The following MEX3D variants were observed in gnomAD, a reference collection of about 807,000 sequenced individuals.
MEX3D encodes mex-3 RNA binding family member D.
Under a neutral mutation model 6.3 loss-of-function variants are expected in MEX3D, and 4 were observed. That is an observed-to-expected ratio of 0.64 (90% CI 0.31 to 1.46). The LOEUF is 1.46. Ranked by LOEUF, MEX3D falls within the 40% of genes most tolerant of loss-of-function variation. The pLI is 0.07. For missense variants in MEX3D, 1,038 were observed against 994.4 expected (o/e 1.04, Z -0.59); for synonymous variants, 626 against 494.1 (o/e 1.27, Z -3.54).
chr19:1,567,673 G>C lies in MEX3D; in HGVS notation c.386C>G (p.Pro129Arg), dbSNP rs1599330437. ...CGGCGGCGGCGGGGGACTCGCGTTG[G>C]GGTCCAGCAGCGGCAGCGACCCGGG... ...VAPGSLPLLD[P>R]NASPPPPPPP... The change falls in exon 1 of 2, where the codon CCC (proline) becomes CGC (arginine). Residue 129 changes from proline to arginine, a missense_variant. Pro to Arg is a moderately radical substitution (Grantham distance 103, BLOSUM62 -2). Coordinates refer to ENST00000402693, the MANE Select transcript of MEX3D (RefSeq NM_203304.4). This position sits in a 1 kb window ranked among gnomAD's most constrained non-coding sequence, Gnocchi z 6.5. The C allele has an allele frequency of 8.6e-7, 1 of 1,169,422 alleles. No individual in the cohort carries two copies. The highest frequency in any genetic ancestry group is 1.1e-6 in the Non-Finnish European group (1 of 941,714). 72.4% of individuals were successfully genotyped at this position (1,169,422 alleles called of 1,614,324 possible). A position where few individuals can be genotyped will look rare whatever the true frequency, so the allele number is the denominator to read the frequency against.
Position 1,567,969 on chromosome 19 carries a change from G to C in MEX3D, c.90C>G (p.Pro30=), listed in dbSNP as rs1165378473. 4.1e-6 allele frequency: 4 copies of C among 978,142 alleles called. No individual in the cohort carries two copies. The highest frequency in any genetic ancestry group is 1.2e-4 in the East Asian group (1 of 8,526). 60.6% of individuals were successfully genotyped at this position (978,142 alleles called of 1,614,324 possible). Residue 30 remains proline (P), a synonymous_variant, in exon 1 of 2, where the codon CCC becomes CCG. Coordinates refer to ENST00000402693, the MANE Select transcript of MEX3D (RefSeq NM_203304.4). The surrounding 1 kb of genome is among the most constrained non-coding windows in gnomAD (Gnocchi z 6.5). ...GVGAAGEDPG[P]GPAPPPEGAQ... ...CGCCCTCGGGCGGGGGCGCAGGTCC[G>C]GGTCCGGGGTCCTCCCCCGCCGCCC...
rs1454496846 is a variant in MEX3D at position 1,567,761 on chromosome 19, C to G, written c.298G>C (p.Glu100Gln). 1.0e-6 allele frequency: 1 copy of G among 962,870 alleles called. No homozygotes were observed. The highest frequency in any genetic ancestry group is 1.8e-5 in the African/African-American group (1 of 56,312). 59.6% of individuals were successfully genotyped at this position (962,870 alleles called of 1,614,324 possible). Reference protein sequence around the residue: ...AGGADGGAAPEPVPPDGPEAG... With the variant: ...AGGADGGAAPQPVPPDGPEAG... ...TCAGGTCCGTCGGGGGGCACAGGCT[C>G]CGGAGCCGCCCCGCCGTCCGCGCCC... is the stretch of plus-strand genomic sequence containing the variant. Residue 100 changes from glutamate to glutamine, a missense_variant, in exon 1 of 2, where the codon GAG becomes CAG. Glu to Gln is a conservative substitution (Grantham distance 29, BLOSUM62 2). Transcript: ENST00000402693. This position sits in a 1 kb window ranked among gnomAD's most constrained non-coding sequence, Gnocchi z 6.5.
rs764595095 is a variant in MEX3D at position 1,555,553 on chromosome 19, G to A, written c.*10C>T. The A allele has an allele frequency of 6.4e-7, 1 of 1,562,018 alleles. No homozygotes were observed. ...CCGCAGATGGCCCCGGCCACGTGGT[G>A]GTCCGCGCTCTAGGAAAAGATATGA... On this transcript the variant is annotated 3_prime_UTR_variant, in exon 2 of 2. Transcript: ENST00000402693.
In MEX3D at chr19:1,555,392, G is replaced by T; in HGVS notation, c.*171C>A. ...CTGCGGGGTCTCCGTCTCCACGCCTGAGGCGGCAGTTAAAGCTCATCTGTA... is the reference window on the plus strand; with the variant it reads ...CTGCGGGGTCTCCGTCTCCACGCCTTAGGCGGCAGTTAAAGCTCATCTGTA... On this transcript the variant is annotated 3_prime_UTR_variant, in exon 2 of 2. Transcript: ENST00000402693. 4.4e-6 allele frequency: 7 copies of T among 1,601,054 alleles called. No individual in the cohort carries two copies. Among genetic ancestry groups the T allele is most frequent in the Non-Finnish European group, 6.0e-6 (7 of 1,173,638 alleles).
chr19:1,561,812 T>C (rs189776754), intron 1 of MEX3D, among the ~76,000 whole-genome samples: 139 of 152,090 alleles, frequency 9.1e-4, no homozygotes, highest in African/African-American at 3.3e-3. Context: ...CCCGGCTAAT[T>C]GTTTAAAGCT....
intron 1 of MEX3D, among the ~76,000 whole-genome samples, chr19:1,560,736 G>A (rs540461322): frequency 6.6e-6 from 1 of 152,250 alleles, no homozygotes; most frequent in Non-Finnish European, 1.5e-5. Flanking sequence ...AGACGGTGGC[G>A]CTGGGTGGAG....
rs953236735 is a variant in MEX3D, at chr19:1,556,078, G to A, written c.1441C>T (p.Pro481Ser). The A allele has an allele frequency of 2.8e-6, 4 of 1,429,672 alleles. No homozygotes were observed. The highest frequency in any genetic ancestry group is 2.3e-4 in the Middle Eastern group (1 of 4,360). 88.6% of individuals were successfully genotyped at this position (1,429,672 alleles called of 1,614,324 possible). The change falls in exon 2 of 2, where the codon CCC (proline) becomes TCC (serine). Residue 481 changes from proline to serine, a missense_variant. Coordinates refer to ENST00000402693, the MANE Select transcript of MEX3D (RefSeq NM_203304.4). The surrounding 1 kb of genome is among the most constrained non-coding windows in gnomAD (Gnocchi z 7.5). ...GAGCAGCCGCTGAAGGCGGGCAAGGGGGCGGCGCGCTCAAAAGGCGCCCAG... is the reference window on the plus strand; with the variant it reads ...GAGCAGCCGCTGAAGGCGGGCAAGGAGGCGGCGCGCTCAAAAGGCGCCCAG... The part of the protein sequence containing the change: ...TIWAPFERAA[P>S]LPAFSGCSTV...
In MEX3D at chr19:1,558,101, C is replaced by T. The variant is rs536111519; in HGVS notation, c.596-1178G>A. ...AGTGGCAGGGTCAGTGGCTCACACC[C>T]GTAATCCTAGTACTTCGGGAATCTG... On this transcript the variant is annotated intron_variant, in intron 1 of 1. Transcript: ENST00000402693. 4.6e-5 allele frequency among the ~76,000 whole-genome samples: 7 copies of T among 150,566 alleles called. No homozygotes were observed. The South Asian group carries it at 1.3e-3, about 27-fold the overall frequency.
intron 1 of MEX3D, among the ~76,000 whole-genome samples, chr19:1,563,039 T>C (rs1914758142): frequency 6.6e-6 from 1 of 151,970 alleles, no homozygotes; most frequent in East Asian, 1.9e-4. Context: ...GAAAAAAACC[T>C]CTCGGGGAAT....
In MEX3D at chr19:1,556,696, T is replaced by C; in HGVS notation, c.823A>G (p.Thr275Ala). The C allele has an allele frequency of 6.2e-7, 1 of 1,610,818 alleles. No homozygotes were observed. The highest frequency in any genetic ancestry group is 1.1e-5 in the South Asian group (1 of 90,976). ...QGPPNLPGQT[T>A]IQVRVPYRVV... ...CGGTAGGGCACGCGCACCTGGATGG[T>C]GGTCTGTCCGGGAAGGTTGGGCGGG... The change falls in exon 2 of 2, where the codon ACC becomes GCC. Residue 275 changes from threonine (T) to alanine (A), a missense_variant. Coordinates refer to ENST00000402693, the MANE Select transcript of MEX3D (RefSeq NM_203304.4). This position sits in a 1 kb window ranked among gnomAD's most constrained non-coding sequence, Gnocchi z 7.5.
At chr19:1,557,563 C>CT (rs1331121876) in intron 1 of MEX3D, among the ~76,000 whole-genome samples, 1 of 117,478 alleles carries the variant, frequency 8.5e-6, no homozygotes, top group African/African-American at 3.4e-5. Flanking sequence ...AAGACTCCAA[C>CT]TAAAAAAAAA....
At chr19:1,565,800 T>C (rs762693259) in intron 1 of MEX3D, among the ~76,000 whole-genome samples, 2 of 152,108 alleles carry the variant, frequency 1.3e-5, no homozygotes, top group Non-Finnish European at 2.9e-5. Context: ...GCCCACAGAC[T>C]CCATTTCCCA....
intron 1 of MEX3D, among the ~76,000 whole-genome samples, chr19:1,564,431 G>A (rs1185995493): frequency 2.6e-5 from 4 of 151,940 alleles, no homozygotes; most frequent in Non-Finnish European, 5.9e-5. Flanking sequence ...TACTAGGGGG[G>A]CTGAGGCAGG....
Position 1,556,232 on chromosome 19 carries a change from G to C in MEX3D, c.1287C>G (p.Asn429Lys), listed in dbSNP as rs747901490. ...CCTCCGCGCCGAAGGCGAAGCCCCC[G>C]TTGCCGGAGCCGCTGTAGGGGCTGG... ...GPASPYSGSG[N>K]GGFAFGAEGP... The change falls in exon 2 of 2, where the codon AAC becomes AAG. Residue 429 changes from asparagine (N) to lysine (K), a missense_variant. Asn to Lys is a moderately conservative substitution (Grantham distance 94). This residue lies in a region of MEX3D where 581 missense variants were observed against 516.2 expected (regional missense o/e 1.13). Coordinates refer to ENST00000402693, the MANE Select transcript of MEX3D (RefSeq NM_203304.4). The surrounding 1 kb of genome is among the most constrained non-coding windows in gnomAD (Gnocchi z 7.5). 2 of 1,402,936 alleles carry C rather than the reference G, an allele frequency of 1.4e-6. No homozygotes were observed. Among genetic ancestry groups the C allele is most frequent in the Non-Finnish European group, 1.9e-6 (2 of 1,079,986 alleles). The allele number at this position is 1,402,936 out of a possible 1,614,324, so 86.9% of individuals were successfully genotyped here.
chr19:1,556,155 A>G lies in MEX3D; in HGVS notation c.1364T>C (p.Phe455Ser). The change falls in exon 2 of 2, where the codon TTC becomes TCC. Residue 455 changes from phenylalanine to serine, a missense_variant. Coordinates refer to ENST00000402693, the MANE Select transcript of MEX3D (RefSeq NM_203304.4). The surrounding 1 kb of genome is among the most constrained non-coding windows in gnomAD (Gnocchi z 7.5). ...TAAPDDCDFG[F>S]DFDFLALDLT... ...GTCCAGCGCCAGGAAGTCGAAGTCG[A>G]AGCCGAAGTCGCAGTCGTCGGGGGC... 6.8e-7 allele frequency: 1 copy of G among 1,474,102 alleles called. No homozygotes were observed. The highest frequency in any genetic ancestry group is 1.5e-5 in the African/African-American group (1 of 67,624). The allele number at this position is 1,474,102 out of a possible 1,614,324, so 91.3% of individuals were successfully genotyped here.
At chr19:1,564,984 G>GT (rs1201986629) in intron 1 of MEX3D, among the ~76,000 whole-genome samples, 1 of 152,170 alleles carries the variant, frequency 6.6e-6, no homozygotes, top group Non-Finnish European at 1.5e-5. Context: ...TGTGGAAGAC[G>GT]TAAGGACTAC....
At chr19:1,559,299 T>C (rs778622985) in intron 1 of MEX3D, among the ~76,000 whole-genome samples, 6 of 149,076 alleles carry the variant, frequency 4.0e-5, no homozygotes, top group African/African-American at 7.3e-5. Flanking sequence ...ACCCAGCTAA[T>C]TTTTTTTATT....
chr19:1,558,125 T>G (rs1289144027), intron 1 of MEX3D, among the ~76,000 whole-genome samples: 1 of 150,482 alleles, frequency 6.6e-6, no homozygotes, highest in East Asian at 2.0e-4. Flanking sequence ...TTCGGGAATC[T>G]GAGGCAGGAG....
In MEX3D at chr19:1,555,948, C is replaced by T; in HGVS notation, c.1571G>A (p.Arg524His). Reference sequence around the variant, plus strand: ...ACGGCGAGACAGCGGGAGCTCCAGGCGGAGGCCGCCGGGCTCGGGCAGCGT... The same window carrying T: ...ACGGCGAGACAGCGGGAGCTCCAGGTGGAGGCCGCCGGGCTCGGGCAGCGT... ...SPTLPEPGGL[R>H]LELPLSRRGA... Residue 524 changes from arginine (R) to histidine (H), a missense_variant, in exon 2 of 2, where the codon CGC becomes CAC. By Grantham distance (29) the Arg-to-His change is conservative. This residue lies in a region of MEX3D where 581 missense variants were observed against 516.2 expected (regional missense o/e 1.13). Transcript: ENST00000402693. The T allele has an allele frequency of 1.7e-6, 2 of 1,171,638 alleles. No individual in the cohort carries two copies. The highest frequency in any genetic ancestry group is 4.2e-5 in the East Asian group (1 of 23,980). The allele number at this position is 1,171,638 out of a possible 1,614,324, so 72.6% of individuals were successfully genotyped here.
Sources: allele counts gnomAD v4.1 joint callset (sites outside exome capture counted in the v4.1 genomes callset), GRCh38; gene constraint gnomAD v4.1.1; regional missense constraint gnomAD v4.1.1; non-coding constraint Gnocchi (gnomAD v3.1); transcripts MANE v1.5; gene names NCBI Gene and HGNC (gene_info 2026-07-23, HGNC 2026-07-21).